DCPH1: variants seen among roughly 807,000 people sequenced by gnomAD.
DCPH1 encodes the protein damage control phosphatase 1.
the DCPH1 span, chr6:151,454,499 T>G: frequency 1.2e-6 from 1 of 860,076 alleles, no homozygotes; most frequent in East Asian, 2.5e-5. Flanking sequence ...TAGCCAGTCT[T>G]CTAGTATTGA....
the DCPH1 span, chr6:151,468,626 A>T: frequency 3.1e-6 from 5 of 1,614,132 alleles, no homozygotes; most frequent in Non-Finnish European, 4.2e-6. Context: ...GTTCATTTTT[A>T]TGGAAAAACA....
At chr6:151,458,859 CA>C in the DCPH1 span, among the ~76,000 whole-genome samples, 1 of 152,270 alleles carries the variant, frequency 6.6e-6, no homozygotes, top group East Asian at 1.9e-4. Context: ...ACGAATTGGC[CA>C]GGCCCTGAGG....
At chr6:151,464,467 A>G in the DCPH1 span, 7 of 1,605,502 alleles carry the variant, frequency 4.4e-6, no homozygotes, top group Non-Finnish European at 5.9e-6. Context: ...CCAATCGATT[A>G]CTTTGATGTA....
At chr6:151,469,015 C>T in the DCPH1 span, 1 of 1,614,166 alleles carries the variant, frequency 6.2e-7, no homozygotes, top group Non-Finnish European at 8.5e-7. Context: ...TCAGGTTGGT[C>T]TGCAGCCTGG....
the DCPH1 span, among the ~76,000 whole-genome samples, chr6:151,467,684 G>A: frequency 2.0e-5 from 3 of 152,106 alleles, no homozygotes; most frequent in South Asian, 4.2e-4. Flanking sequence ...AGTCCTAAAC[G>A]TGTAATTTTA....
At chr6:151,452,468 T>C in the DCPH1 span, 3 of 1,521,722 alleles carry the variant, frequency 2.0e-6, no homozygotes, top group African/African-American at 1.4e-5. Context: ...CATTCTCAGC[T>C]CCTCCTTCGC....
the DCPH1 span, chr6:151,468,921 G>A: frequency 1.2e-6 from 2 of 1,613,768 alleles, no homozygotes; most frequent in Non-Finnish European, 8.5e-7. Flanking sequence ...ACAGAAAATG[G>A]GAGTTTTCTG....
chr6:151,459,007 C>T, the DCPH1 span, among the ~76,000 whole-genome samples: 2 of 151,974 alleles, frequency 1.3e-5, no homozygotes, highest in African/African-American at 4.8e-5. Flanking sequence ...CATGGTGGCA[C>T]GGGCCTGTAA....
the DCPH1 span, chr6:151,452,520 C>A: frequency 6.2e-7 from 1 of 1,611,146 alleles, no homozygotes; most frequent in African/African-American, 1.3e-5. Context: ...AACAGCCGAG[C>A]TTTGCGGCCG....
chr6:151,462,487 T>C, the DCPH1 span, among the ~76,000 whole-genome samples: 7 of 152,238 alleles, frequency 4.6e-5, no homozygotes, highest in African/African-American at 1.7e-4. Context: ...GTGAGACTCA[T>C]CCATATGTTA....
At chr6:151,468,736 G>T in the DCPH1 span, 1 of 1,614,162 alleles carries the variant, frequency 6.2e-7, no homozygotes, top group South Asian at 1.1e-5. Flanking sequence ...GTGTGGGGCT[G>T]ACTGGGAAGA....
chr6:151,455,989 C>T, the DCPH1 span, among the ~76,000 whole-genome samples: 1 of 152,256 alleles, frequency 6.6e-6, no homozygotes, highest in African/African-American at 2.4e-5. Flanking sequence ...GCACATCTTG[C>T]ACCGCCCTTA....
chr6:151,458,308 T>C, the DCPH1 span: 30 of 1,604,956 alleles, frequency 1.9e-5, no homozygotes, highest in Non-Finnish European at 2.4e-5. Context: ...ACACAATTTA[T>C]TTTTCTTGTA....
the DCPH1 span, chr6:151,469,402 A>G: frequency 3.7e-6 from 1 of 271,152 alleles, no homozygotes; most frequent in Non-Finnish European, 6.8e-6. Context: ...TAATGAACTT[A>G]TTTTTAATTG....
the DCPH1 span, among the ~76,000 whole-genome samples, chr6:151,459,607 C>T: frequency 2.0e-5 from 3 of 151,966 alleles, no homozygotes; most frequent in Admixed American, 6.6e-5. Flanking sequence ...GCCTGGTGAG[C>T]GTGGCGAAAC....
chr6:151,454,824 T>A, the DCPH1 span, among the ~76,000 whole-genome samples: 2 of 152,240 alleles, frequency 1.3e-5, no homozygotes, highest in East Asian at 3.8e-4. Context: ...CAATCTTCAA[T>A]TTAGAAAATG....
the DCPH1 span, among the ~76,000 whole-genome samples, chr6:151,458,123 G>A: frequency 6.6e-6 from 1 of 151,992 alleles, no homozygotes; most frequent in Non-Finnish European, 1.5e-5. Flanking sequence ...CCAGAACTTA[G>A]GTAGATAAGG....
the DCPH1 span, among the ~76,000 whole-genome samples, chr6:151,460,355 G>A: frequency 2.3e-4 from 35 of 151,460 alleles, no homozygotes; most frequent in Non-Finnish European, 3.4e-4. Context: ...TGCCCTCCTC[G>A]TCCTCCCAAA....
At chr6:151,459,678 C>G in the DCPH1 span, among the ~76,000 whole-genome samples, 2 of 152,126 alleles carry the variant, frequency 1.3e-5, no homozygotes, top group Non-Finnish European at 2.9e-5. Context: ...GTTGTCCCAG[C>G]TACCCCGGAG....
Sources: allele counts gnomAD v4.1 joint callset (sites outside exome capture counted in the v4.1 genomes callset), GRCh38; gene constraint gnomAD v4.1.1; transcripts MANE v1.5; gene names NCBI Gene and HGNC (gene_info 2026-07-23, HGNC 2026-07-21).